The following SLC14A2 variants were observed in gnomAD, a reference collection of about 807,000 sequenced individuals.
The protein encoded by SLC14A2 is solute carrier family 14 member 2.
Under a neutral mutation model 104.6 loss-of-function variants are expected in SLC14A2, and 91 were observed. The observed-to-expected ratio is 0.87, with a 90% CI of 0.73 to 1.04. SLC14A2 has a LOEUF of 1.04. Among genes scored for constraint, SLC14A2 ranks in the 50% least tolerant of loss-of-function variants. The probability of loss-of-function intolerance (pLI) is 0.00; values close to 1 mark genes in which losing one functional copy is unlikely to be tolerated. For synonymous variants in SLC14A2, 476 were observed against 466.4 expected (o/e 1.02, Z -0.27); for missense variants, 1,189 against 1,156.0 (o/e 1.03, Z -0.41).
chr18:45,459,124 A>T (rs1379417735), intron 1 of SLC14A2, among the ~76,000 whole-genome samples: 1 of 151,534 alleles, frequency 6.6e-6, no homozygotes, highest in South Asian at 2.1e-4. Context: ...TAGAATCCAA[A>T]CTCTCCCCAG....
chr18:45,625,614 C>T (rs1012649442), intron 2 of SLC14A2, 69 bp from the exon 3 acceptor site: 1 of 1,340,190 alleles, frequency 7.5e-7, no homozygotes, highest in African/African-American at 1.5e-5. Context: ...TGCCACCCTC[C>T]TCTATCCCCA....
chr18:45,486,846 G>C (rs75283419), intron 2 of SLC14A2, among the ~76,000 whole-genome samples: 1 of 152,232 alleles, frequency 6.6e-6, no homozygotes, highest in African/African-American at 2.4e-5. Context: ...CATATAGTTA[G>C]AATGAAAAAA....
intron 1 of SLC14A2, among the ~76,000 whole-genome samples, chr18:45,471,859 T>A (rs2087255344): frequency 1.3e-5 from 2 of 151,342 alleles, no homozygotes; most frequent in South Asian, 4.2e-4. Context: ...GTTGTTTTTT[T>A]ATTTGTATGT....
intron 1 of SLC14A2, among the ~76,000 whole-genome samples, chr18:45,244,397 C>T (rs946544684): frequency 2.0e-5 from 3 of 152,046 alleles, no homozygotes; most frequent in Non-Finnish European, 2.9e-5. Context: ...GAAGCCAAGG[C>T]GGGCGGATCA....
intron 1 of SLC14A2, among the ~76,000 whole-genome samples, chr18:45,247,151 G>A (rs190978297): frequency 5.1e-4 from 77 of 152,232 alleles, no homozygotes; most frequent in African/African-American, 1.8e-3. Context: ...TATAAAATCT[G>A]TATTCAAACA....
intron 1 of SLC14A2, among the ~76,000 whole-genome samples, chr18:45,378,319 G>A (rs555009802): frequency 6.6e-6 from 1 of 152,230 alleles, no homozygotes; most frequent in Admixed American, 6.5e-5. Flanking sequence ...CTTTTATTGA[G>A]GTCTCCAGAG....
chr18:45,311,395 AGAG>A (rs984728151), intron 1 of SLC14A2, among the ~76,000 whole-genome samples: 2 of 152,220 alleles, frequency 1.3e-5, no homozygotes, highest in African/African-American at 4.8e-5. Context: ...CCACACTTAT[AGAG>A]GAGGGAACTG....
chr18:45,345,826 A>G (rs1024513150), intron 1 of SLC14A2, among the ~76,000 whole-genome samples: 4 of 152,222 alleles, frequency 2.6e-5, no homozygotes, highest in African/African-American at 9.7e-5. Context: ...CAGAGGAAAT[A>G]CTTACCTGAA....
intron 2 of SLC14A2, among the ~76,000 whole-genome samples, chr18:45,568,726 G>A (rs531716832): frequency 6.6e-6 from 1 of 152,214 alleles, no homozygotes; most frequent in Non-Finnish European, 1.5e-5. Flanking sequence ...GTAGAGGCCA[G>A]CACCTACCTA....
At chr18:45,275,790 T>C (rs985615741) in intron 1 of SLC14A2, among the ~76,000 whole-genome samples, 1 of 152,240 alleles carries the variant, frequency 6.6e-6, no homozygotes, top group Non-Finnish European at 1.5e-5. Context: ...TGTTTACTAT[T>C]TGGAGATCAA....
intron 1 of SLC14A2, among the ~76,000 whole-genome samples, chr18:45,271,121 AT>A (rs1376264512): frequency 6.6e-6 from 1 of 152,166 alleles, no homozygotes; most frequent in Non-Finnish European, 1.5e-5. Flanking sequence ...GATAAAGAAC[AT>A]TGGTGATGCA....
chr18:45,664,221 AG>A (rs2045977714), intron 11 of SLC14A2, among the ~76,000 whole-genome samples: 2 of 152,182 alleles, frequency 1.3e-5, no homozygotes, highest in South Asian at 4.1e-4. Context: ...GGGCATCAGG[AG>A]CTTCTAAAGC....
chr18:45,473,468 A>AGT (rs1262210180), intron 1 of SLC14A2, among the ~76,000 whole-genome samples: 15 of 144,168 alleles, frequency 1.0e-4, no homozygotes, highest in South Asian at 2.2e-4. Context: ...TACTTTGGGC[A>AGT]GTATGGCCAT....
intron 1 of SLC14A2, among the ~76,000 whole-genome samples, chr18:45,221,171 G>T (rs1380265297): frequency 6.6e-6 from 1 of 152,168 alleles, no homozygotes; most frequent in East Asian, 1.9e-4. Context: ...CCATCTAACT[G>T]CCAGGGGTAC....
In SLC14A2 at chr18:45,672,987, A is replaced by G. The variant is rs1178692985; in HGVS notation, c.2317A>G (p.Ile773Val). 8 of 1,613,998 alleles carry G rather than the reference A, an allele frequency of 5.0e-6. No homozygotes were observed. The highest frequency in any genetic ancestry group is 1.7e-5 in the Admixed American group (1 of 59,978). The stretch of plus-strand genomic sequence containing the variant: ...AGGCATCTTCCTCATAGCTCTGTTC[A>G]TATCCTCACCTCTCATTTGCTTGCA... Reference protein sequence around the residue: ...TGGIFLIALFISSPLICLHAA... With the variant: ...TGGIFLIALFVSSPLICLHAA... The change falls in exon 17 of 20, where the codon ATA becomes GTA. Residue 773 changes from isoleucine to valine, a missense_variant. Physicochemically the swap from Ile to Val is conservative, Grantham distance 29. Coordinates refer to ENST00000255226, the MANE Select transcript of SLC14A2 (RefSeq NM_007163.4).
intron 1 of SLC14A2, among the ~76,000 whole-genome samples, chr18:45,308,682 G>T (rs2144209291): frequency 6.6e-6 from 1 of 152,272 alleles, no homozygotes; most frequent in East Asian, 1.9e-4. Context: ...AGGTTGCCTT[G>T]CCATCCCTTA....
intron 2 of SLC14A2, among the ~76,000 whole-genome samples, chr18:45,568,265 C>T (rs2044294930): frequency 6.6e-6 from 1 of 152,232 alleles, no homozygotes; most frequent in Non-Finnish European, 1.5e-5. Flanking sequence ...TGGCCTATGG[C>T]CTGCAGGACC....
intron 1 of SLC14A2, among the ~76,000 whole-genome samples, chr18:45,366,249 A>C (rs942829351): frequency 2.6e-5 from 4 of 152,108 alleles, no homozygotes; most frequent in African/African-American, 9.7e-5. Context: ...CACCACGATC[A>C]CACCATCCTT....
intron 1 of SLC14A2, among the ~76,000 whole-genome samples, chr18:45,307,729 C>T (rs897836392): frequency 6.6e-6 from 1 of 152,140 alleles, no homozygotes; most frequent in Non-Finnish European, 1.5e-5. Context: ...AAGATGAAAG[C>T]AATTGTTGAA....
Sources: gnomAD v4.1 joint callset for allele counts (sites outside exome capture counted in the v4.1 genomes callset) on GRCh38, gnomAD v4.1.1 for gene constraint, MANE v1.5 for transcripts, NCBI Gene and HGNC (gene_info 2026-07-23, HGNC 2026-07-21) for gene names.